Variants in RAI14 observed in about 807,000 individuals in gnomAD.
The protein encoded by RAI14 is ankycorbin.
A neutral mutation model predicts 115.4 loss-of-function variants in RAI14; 45 were observed. That is an observed-to-expected ratio of 0.39 (90% CI 0.31 to 0.50). RAI14 has a LOEUF of 0.50. RAI14 is among the 20% of genes least tolerant of loss of function. RAI14 has a pLI of 0.85. For synonymous variants in RAI14, 371 were observed against 415.4 expected (o/e 0.89, Z 1.30); for missense variants, 939 against 1,131.2 (o/e 0.83, Z 2.44).
intron 2 of RAI14, chr5:34,687,433 C>A (rs1466970490): frequency 4.6e-6 from 3 of 655,504 alleles, no homozygotes; most frequent in East Asian, 3.7e-5. Flanking sequence ...CTGCCCGTAC[C>A]TTTCCTCCCC....
chr5:34,813,419 A>G (rs1387987319), intron 10 of RAI14, among the ~76,000 whole-genome samples, 155 bp from the exon 11 acceptor site: 4 of 152,184 alleles, frequency 2.6e-5, no homozygotes, highest in South Asian at 2.1e-4. Context: ...CATGCATATT[A>G]TTTATTTTTA....
At chr5:34,679,343 A>C (rs914316426) in intron 1 of RAI14, among the ~76,000 whole-genome samples, 2 of 152,240 alleles carry the variant, frequency 1.3e-5, no homozygotes, top group African/African-American at 4.8e-5. Context: ...TCATTGATTC[A>C]TTCAGGCAGT....
At chr5:34,783,367 C>T (rs150184056) in intron 3 of RAI14, among the ~76,000 whole-genome samples, 15 of 152,266 alleles carry the variant, frequency 9.9e-5, no homozygotes, top group African/African-American at 3.6e-4. Context: ...TCGGGATCCT[C>T]CTGGTATCTC....
intron 3 of RAI14, among the ~76,000 whole-genome samples, chr5:34,775,141 A>G (rs1750678834): frequency 1.3e-5 from 2 of 152,180 alleles, no homozygotes; most frequent in Admixed American, 6.5e-5. Context: ...TAAATCTAAG[A>G]CCTCAAACTA....
intron 2 of RAI14, among the ~76,000 whole-genome samples, chr5:34,720,069 C>T (rs1742473610): frequency 6.6e-6 from 1 of 152,110 alleles, no homozygotes; most frequent in Non-Finnish European, 1.5e-5. Flanking sequence ...GAATTGGCCT[C>T]TAGTTAGGAA....
rs143612933 is a variant in RAI14 at position 34,765,055 on chromosome 5, T to C, written c.167+7457T>C. Among the ~76,000 whole-genome samples the C allele has an allele frequency of 8.5e-3, 1,296 of 152,296 alleles. 25 individuals carry two copies. Among genetic ancestry groups the C allele is most frequent in the African/African-American group, 0.03 (1,254 of 41,562 alleles). On this transcript the variant is annotated intron_variant, in intron 3 of 17. Transcript: ENST00000265109. Reference sequence around the variant, plus strand: ...TTTTGCTTCTTCCTCATTTTTCTCTTGCCGTTGCTATGTAAGAAGTGCCTT... The same window carrying C: ...TTTTGCTTCTTCCTCATTTTTCTCTCGCCGTTGCTATGTAAGAAGTGCCTT...
chr5:34,720,043 T>C (rs1056360898), intron 2 of RAI14, among the ~76,000 whole-genome samples: 2 of 152,212 alleles, frequency 1.3e-5, no homozygotes, highest in African/African-American at 4.8e-5. Flanking sequence ...TTTGGAAAGC[T>C]ACCTTAGAAG....
At chr5:34,748,555 GCT>G (rs1746590414) in intron 2 of RAI14, among the ~76,000 whole-genome samples, 1 of 152,200 alleles carries the variant, frequency 6.6e-6, no homozygotes, top group Admixed American at 6.5e-5. Flanking sequence ...TGCTTGCCCA[GCT>G]GAGAGTTGTC....
At chr5:34,727,698 G>GC (rs1294438316) in intron 2 of RAI14, among the ~76,000 whole-genome samples, 1 of 152,204 alleles carries the variant, frequency 6.6e-6, no homozygotes, top group African/African-American at 2.4e-5. Flanking sequence ...AGCCTTGGCA[G>GC]CTTCTGCATG....
intron 1 of RAI14, among the ~76,000 whole-genome samples, chr5:34,673,732 T>G (rs1166935877): frequency 6.6e-6 from 1 of 152,160 alleles, no homozygotes; most frequent in East Asian, 1.9e-4. Context: ...ATCCCTGGAA[T>G]CAGCACCCCT....
Position 34,757,543 on chromosome 5 carries a change from C to G in RAI14, c.112C>G (p.Leu38Val). The change falls in exon 3 of 18, where the codon CTG (leucine) becomes GTG (valine). Residue 38 changes from leucine to valine, a missense_variant. Physicochemically the swap from Leu to Val is conservative, Grantham distance 32. Transcript: ENST00000265109. ...ENGDAEKVAS[L>V]LGKKGASATK... ...TGGAGATGCGGAGAAGGTGGCCTCA[C>G]TGCTCGGCAAGAAGGGGGCCAGTGC... 1 of 1,613,946 alleles carries G rather than the reference C, an allele frequency of 6.2e-7. No homozygotes were observed. Among genetic ancestry groups the G allele is most frequent in the South Asian group, 1.1e-5 (1 of 91,060 alleles).
rs1757124066 is a variant in RAI14, at chr5:34,823,454, G to A, written c.1612G>A (p.Asp538Asn). ...AGAGGAAATAAATGTGCTAAAGCAG[G>A]ATCTGCAGAATGCATTAGAAGAAAG... The part of the protein sequence containing the change: ...TEEEINVLKQ[D>N]LQNALEESER... Residue 538 changes from aspartate to asparagine, a missense_variant, in exon 15 of 18, where the codon GAT becomes AAT. By Grantham distance (23) the Asp-to-Asn change is conservative (BLOSUM62 1). Coordinates refer to ENST00000265109, the MANE Select transcript of RAI14 (RefSeq NM_015577.3). The surrounding 1 kb of genome is among the most constrained non-coding windows in gnomAD (Gnocchi z 4.5). 2.5e-6 allele frequency: 4 copies of A among 1,614,058 alleles called. No homozygotes were observed. The highest frequency in any genetic ancestry group is 2.2e-5 in the South Asian group (2 of 91,074).
chr5:34,662,494 T>G (rs1225828305), intron 1 of RAI14, among the ~76,000 whole-genome samples: 1 of 151,980 alleles, frequency 6.6e-6, no homozygotes, highest in African/African-American at 2.4e-5. Context: ...GGAGTCTAGA[T>G]TTTTTTTCCC....
At chr5:34,661,673 C>T (rs529322139) in intron 1 of RAI14, among the ~76,000 whole-genome samples, 3 of 152,132 alleles carry the variant, frequency 2.0e-5, no homozygotes, top group East Asian at 1.9e-4. Flanking sequence ...ATAAGTAACA[C>T]GGTGCTTGGA....
chr5:34,774,852 A>G (rs1311696713), intron 3 of RAI14, among the ~76,000 whole-genome samples: 1 of 152,196 alleles, frequency 6.6e-6, no homozygotes, highest in African/African-American at 2.4e-5. Context: ...AAATCCCATT[A>G]CCTGACTTCA....
chr5:34,664,513 C>T lies in RAI14; in HGVS notation c.-49+8038C>T, dbSNP rs554669182. On this transcript the variant is annotated intron_variant, in intron 1 of 17. Coordinates refer to ENST00000265109, the MANE Select transcript of RAI14 (RefSeq NM_015577.3). ...TCCCTTACACTTATTTATTATATTA[C>T]CTTTTAAAGCTCAACTTAATTTTTC... 3.2e-4 allele frequency among the ~76,000 whole-genome samples: 48 copies of T among 151,644 alleles called. 1 individual carries two copies. In the South Asian group the frequency reaches 6.5e-3, roughly 20 times the overall value.
chr5:34,830,958 A>T lies in RAI14; in HGVS notation c.*193A>T. 5 of 981,140 alleles carry T rather than the reference A, an allele frequency of 5.1e-6. No individual in the cohort carries two copies. The highest frequency in any genetic ancestry group is 7.0e-6 in the Non-Finnish European group (5 of 709,228). The allele number at this position is 981,140 out of a possible 1,614,324, so 60.8% of individuals were successfully genotyped here. A position where few individuals can be genotyped will look rare whatever the true frequency, so the allele number is the denominator to read the frequency against. On this transcript the variant is annotated 3_prime_UTR_variant, in exon 18 of 18. Coordinates refer to ENST00000265109, the MANE Select transcript of RAI14 (RefSeq NM_015577.3). The stretch of plus-strand genomic sequence containing the variant: ...GCCTCAGAACTGCTTAGAGACTTCA[A>T]ACCAGCAGAGGTGAAAGTCCCTGTC...
At chr5:34,738,979 T>G (rs569910110) in intron 2 of RAI14, among the ~76,000 whole-genome samples, 1 of 152,332 alleles carries the variant, frequency 6.6e-6, no homozygotes, top group South Asian at 2.1e-4. Context: ...CTTCTGGGCT[T>G]GTATACAGCC....
At chr5:34,698,319 G>T (rs376829166) in intron 2 of RAI14, among the ~76,000 whole-genome samples, 11 of 151,166 alleles carry the variant, frequency 7.3e-5, no homozygotes, top group Middle Eastern at 3.4e-3. Flanking sequence ...CTGGCACAAA[G>T]AAACTTCTCA....
Sources: gnomAD v4.1 joint callset for allele counts (sites outside exome capture counted in the v4.1 genomes callset) on GRCh38, gnomAD v4.1.1 for gene constraint, Gnocchi (gnomAD v3.1) non-coding constraint, MANE v1.5 for transcripts, NCBI Gene and HGNC (gene_info 2026-07-23, HGNC 2026-07-21) for gene names.